Variants in WDR4 observed in about 807,000 individuals in gnomAD.
WDR4 encodes the protein WDR4 tRNA N7-guanosine methyltransferase non-catalytic subunit.
Under a neutral mutation model 48.6 loss-of-function variants are expected in WDR4, and 47 were observed. The observed-to-expected ratio is 0.97, with a 90% CI of 0.77 to 1.23. The LOEUF is 1.23. Ranked by LOEUF, WDR4 falls within the 50% of genes most tolerant of loss-of-function variation. WDR4 has a pLI of 0.00. For missense variants in WDR4, 606 were observed against 551.6 expected (o/e 1.10, Z -0.99); for synonymous variants, 268 against 230.0 (o/e 1.17, Z -1.49).
intron 1 of WDR4, 111 bp downstream of exon 1, chr21:42,879,296 G>C (rs546850508): frequency 6.9e-7 from 1 of 1,451,242 alleles, no homozygotes. Context: ...GGAGTTCCCC[G>C]GGGTCACCCC....
At chr21:42,853,776 G>T in intron 8 of WDR4, 24 bp from the exon 9 acceptor site, 3 of 1,542,426 alleles carry the variant, frequency 1.9e-6, no homozygotes, top group South Asian at 2.4e-5. Flanking sequence ...AAGAGAGCAT[G>T]ATTACTAGGA....
At position 42,851,876 on chromosome 21, in the gene WDR4, C is replaced by T. The variant is rs139883446; in HGVS notation, c.1045+379G>A. On this transcript the variant is annotated intron_variant, in intron 10 of 10. Coordinates refer to ENST00000398208, the MANE Select transcript of WDR4 (RefSeq NM_018669.6). ...CCCAGTGAGGCCCTGCACTTACTGACGCCCACTGCAGTGGGATCAATTCCC... is the reference window on the plus strand; with the variant it reads ...CCCAGTGAGGCCCTGCACTTACTGATGCCCACTGCAGTGGGATCAATTCCC... Among the ~76,000 whole-genome samples the T allele has an allele frequency of 3.7e-3, 563 of 152,252 alleles. 5 individuals are homozygous for T. The highest frequency in any genetic ancestry group is 0.012 in the South Asian group (57 of 4,818).
upstream of WDR4, among the ~76,000 whole-genome samples, chr21:42,883,421 A>G (rs745417796): frequency 6.6e-6 from 1 of 151,796 alleles, no homozygotes; most frequent in Non-Finnish European, 1.5e-5. Flanking sequence ...AAGACCCATT[A>G]ATTTCATGGT....
chr21:42,879,228 T>C (rs569950697), intron 1 of WDR4, 179 bp downstream of exon 1: 10 of 1,327,560 alleles, frequency 7.5e-6, no homozygotes, highest in South Asian at 1.9e-5. Context: ...AAGCGGACCC[T>C]CCAGGCGCAG....
chr21:42,855,841 CAG>C (rs1244315000), intron 6 of WDR4, 61 bp from the exon 7 acceptor site: 1 of 1,375,578 alleles, frequency 7.3e-7, no homozygotes, highest in Non-Finnish European at 9.9e-7. Flanking sequence ...GGTAGGGTGA[CAG>C]AGAGGACAGC....
At chr21:42,850,930 C>T (rs368458080) in intron 10 of WDR4, among the ~76,000 whole-genome samples, 4 of 152,308 alleles carry the variant, frequency 2.6e-5, no homozygotes, top group Admixed American at 2.0e-4. Flanking sequence ...GCCGGTAACC[C>T]GCGCACCAGC....
intron 3 of WDR4, among the ~76,000 whole-genome samples, chr21:42,869,334 G>A (rs1040757011): frequency 6.6e-6 from 1 of 152,178 alleles, no homozygotes; most frequent in Non-Finnish European, 1.5e-5. Context: ...ATAGCTGAAC[G>A]GGAACCCACA....
At chr21:42,878,767 A>G (rs2058558911) in intron 1 of WDR4, among the ~76,000 whole-genome samples, 1 of 152,166 alleles carries the variant, frequency 6.6e-6, no homozygotes, top group Non-Finnish European at 1.5e-5. Context: ...AAATTACGGA[A>G]AGCAAAACCC....
intron 6 of WDR4, among the ~76,000 whole-genome samples, chr21:42,857,586 C>T (rs1476871546): frequency 2.6e-5 from 4 of 152,170 alleles, no homozygotes; most frequent in Non-Finnish European, 4.4e-5. Flanking sequence ...GAAAAGTCCA[C>T]GCTCATCTCA....
the WDR4 span, among the ~76,000 whole-genome samples, chr21:42,891,565 C>T: frequency 6.6e-6 from 1 of 152,002 alleles, no homozygotes; most frequent in Admixed American, 6.6e-5. Flanking sequence ...AGATCAGGAT[C>T]CCCAAATTTG....
At chr21:42,888,779 C>A in the WDR4 span, among the ~76,000 whole-genome samples, 1 of 151,366 alleles carries the variant, frequency 6.6e-6, no homozygotes, top group East Asian at 1.9e-4. Context: ...CAGCTCACTG[C>A]AACCTCTGCC....
chr21:42,846,791 G>A (rs982077809), downstream of WDR4, among the ~76,000 whole-genome samples: 1 of 152,176 alleles, frequency 6.6e-6, no homozygotes, highest in Non-Finnish European at 1.5e-5. Flanking sequence ...GGAGTGCGAG[G>A]CGAGAGGATC....
intron 10 of WDR4, 91 bp from the exon 11 acceptor site, chr21:42,850,333 C>G: frequency 6.6e-6 from 8 of 1,217,606 alleles, no homozygotes; most frequent in Non-Finnish European, 9.1e-6. Flanking sequence ...GGAGTTACCT[C>G]GTGACTCCCA....
chr21:42,854,594 G>C lies in WDR4; in HGVS notation c.759C>G (p.Cys253Trp). 4 of 1,613,762 alleles carry C rather than the reference G, an allele frequency of 2.5e-6. No individual in the cohort carries two copies. The highest frequency in any genetic ancestry group is 3.4e-6 in the Non-Finnish European group (4 of 1,179,920). ...KFAASRIAFW[C>W]QENCVALLCD... is the part of the protein sequence containing the mutation. Reference sequence around the variant, plus strand: ...ACAGGAGCGCCACGCAGTTCTCCTGGCACCAGAATGCAATCCTGGACGCGG... The same window carrying C: ...ACAGGAGCGCCACGCAGTTCTCCTGCCACCAGAATGCAATCCTGGACGCGG... The change falls in exon 8 of 11, where the codon TGC becomes TGG. Residue 253 changes from cysteine to tryptophan, a missense_variant. By Grantham distance (215) the Cys-to-Trp change is radical (BLOSUM62 -2). Coordinates refer to ENST00000398208, the MANE Select transcript of WDR4 (RefSeq NM_018669.6).
chr21:42,886,976 C>T, the WDR4 span: 1 of 152,264 alleles, frequency 6.6e-6, no homozygotes, highest in African/African-American at 2.4e-5. Context: ...CTTCATGCCC[C>T]ACCACTACTT....
chr21:42,884,676 C>G, the WDR4 span, among the ~76,000 whole-genome samples: 2 of 152,024 alleles, frequency 1.3e-5, no homozygotes, highest in African/African-American at 4.8e-5. Flanking sequence ...TCAGGGACCG[C>G]CAAGCTGATT....
At chr21:42,844,685 G>A (rs2057696162), downstream of WDR4, among the ~76,000 whole-genome samples, 1 of 152,326 alleles carries the variant, frequency 6.6e-6, no homozygotes, top group African/African-American at 2.4e-5. Flanking sequence ...CAGGAAGCCC[G>A]GGGCAGGAGT....
rs764774056 is a variant in WDR4, at chr21:42,853,668, C to G, written c.876G>C (p.Val292=). 9 of 1,593,682 alleles carry G rather than the reference C, an allele frequency of 5.6e-6. No individual in the cohort carries two copies. In the Admixed American group the frequency reaches 1.6e-4, roughly 29 times the overall value. Residue 292 remains valine (V), a synonymous_variant, in exon 9 of 11, where the codon GTG becomes GTC. Transcript: ENST00000398208. Reference sequence around the variant, plus strand: ...GGGTCTCCTCGAAAGCCACGTCCCACACTTGGTGCTGGAACGCCAGCTGCT... The same window carrying G: ...GGGTCTCCTCGAAAGCCACGTCCCAGACTTGGTGCTGGAACGCCAGCTGCT... ...YRQQLAFQHQ[V]WDVAFEETQG... is the part of the protein sequence containing the mutation.
chr21:42,843,406 C>CT (rs532319764), intron 11 of WDR4: 8 of 72,238 alleles, frequency 1.1e-4, no homozygotes, highest in Non-Finnish European at 1.2e-4. Flanking sequence ...CACTGGTGTG[C>CT]TTTTTTTTTT....
Sources: allele counts gnomAD v4.1 joint callset (sites outside exome capture counted in the v4.1 genomes callset), GRCh38; gene constraint gnomAD v4.1.1; transcripts MANE v1.5; gene names NCBI Gene and HGNC (gene_info 2026-07-23, HGNC 2026-07-21).